The following EXOC6 variants were observed in gnomAD, a reference collection of about 807,000 sequenced individuals.
EXOC6 encodes the protein SEC15-like 1.
In EXOC6, 60 loss-of-function variants were observed where a neutral mutation model predicts 112.5. The observed-to-expected ratio is 0.53, with a 90% CI of 0.43 to 0.66. EXOC6 has a LOEUF of 0.66. EXOC6 is among the 30% of genes least tolerant of loss of function. The pLI is 0.00. For synonymous variants in EXOC6, 295 were observed against 308.0 expected, an observed-to-expected ratio of 0.96 and a Z score of 0.44; for missense variants, 855 against 957.1, an observed-to-expected ratio of 0.89 and a Z score of 1.41.
chr10:93,015,173 G>A (rs1564912029), intron 20 of EXOC6, among the ~76,000 whole-genome samples: 1 of 152,092 alleles, frequency 6.6e-6, no homozygotes, highest in Admixed American at 6.5e-5. Flanking sequence ...GGATAGAGAT[G>A]AGGCTTCATC....
chr10:92,987,568 A>G (rs756757340), intron 18 of EXOC6: 90 of 932,418 alleles, frequency 9.7e-5, no homozygotes, highest in Non-Finnish European at 1.1e-4. Context: ...TGATTAGAAT[A>G]CATTTTCCTT....
chr10:93,025,525 T>C (rs1303961037), intron 20 of EXOC6, among the ~76,000 whole-genome samples: 2 of 152,216 alleles, frequency 1.3e-5, no homozygotes, highest in African/African-American at 2.4e-5. Flanking sequence ...TGTACTATTT[T>C]CTTCTTCCAA....
rs764770376 is a variant in EXOC6, at chr10:92,955,595, A to G, written c.1654A>G (p.Ile552Val). ...TGTTTTCTAGCTGGTACAAATCATCATAAACACAACACACCTGGAGCAAGC... is the reference window on the plus strand; with the variant it reads ...TGTTTTCTAGCTGGTACAAATCATCGTAAACACAACACACCTGGAGCAAGC... ...IGLTELVQIIINTTHLEQACK... is the reference protein window; with the variant it reads ...IGLTELVQIIVNTTHLEQACK... Residue 552 changes from isoleucine (I) to valine (V), a missense_variant, in exon 17 of 22, where the codon ATA becomes GTA. By Grantham distance (29) the Ile-to-Val change is conservative. Around this residue, in one of 2 missense-constraint regions of EXOC6, gnomAD observed 450 missense variants for 563.5 expected, o/e 0.80. Transcript: ENST00000260762. 7 of 1,611,056 alleles carry G rather than the reference A, an allele frequency of 4.3e-6. No homozygotes were observed. The highest frequency in any genetic ancestry group is 5.1e-6 in the Non-Finnish European group (6 of 1,178,496).
In EXOC6 at chr10:93,016,383, C is replaced by T. The variant is rs1017840023; in HGVS notation, c.2169+2116C>T. Among the ~76,000 whole-genome samples the T allele has an allele frequency of 6.6e-5, 10 of 152,014 alleles. No individual in the cohort carries two copies. In the South Asian group the frequency reaches 1.0e-3, roughly 16 times the overall value. On this transcript the variant is annotated intron_variant, in intron 20 of 21. Coordinates refer to ENST00000260762, the MANE Select transcript of EXOC6 (RefSeq NM_019053.6). ...CTCGAACTCCCGGCATCAAGTGATC[C>T]GCCTGCCTTGGCCTCCCAGAGTGCT...
intron 10 of EXOC6, 30 bp from the exon 11 acceptor site, chr10:92,934,280 A>G: frequency 6.5e-7 from 1 of 1,549,250 alleles, no homozygotes; most frequent in South Asian, 1.2e-5. Context: ...TTTTTTTTTT[A>G]ACACATGCTT....
chr10:92,937,129 A>C (rs1852386376), intron 12 of EXOC6, among the ~76,000 whole-genome samples: 1 of 152,218 alleles, frequency 6.6e-6, no homozygotes, highest in African/African-American at 2.4e-5. Flanking sequence ...ATCACAGATA[A>C]TAAAGAATTG....
intron 4 of EXOC6, among the ~76,000 whole-genome samples, chr10:92,898,010 G>C (rs889037876): frequency 1.4e-4 from 22 of 152,126 alleles, no homozygotes; most frequent in Admixed American, 3.9e-4. Flanking sequence ...CATTGACTGA[G>C]ACCTGTCTCA....
At chr10:92,999,910 G>A (rs1007232902) in intron 19 of EXOC6, among the ~76,000 whole-genome samples, 3 of 151,830 alleles carry the variant, frequency 2.0e-5, no homozygotes, top group Admixed American at 1.3e-4. Flanking sequence ...CAACATATTG[G>A]CCAGGCTGGT....
chr10:92,996,866 A>G (rs914825071), intron 18 of EXOC6, among the ~76,000 whole-genome samples: 3 of 152,178 alleles, frequency 2.0e-5, no homozygotes, highest in African/African-American at 4.8e-5. Flanking sequence ...CTAAAGCTAA[A>G]TGCACATCTG....
intron 14 of EXOC6, among the ~76,000 whole-genome samples, chr10:92,951,215 C>T (rs2134006236): frequency 6.6e-6 from 1 of 152,196 alleles, no homozygotes; most frequent in South Asian, 2.1e-4. Context: ...AAGATTTGAT[C>T]TGGAGTTGTA....
At chr10:92,889,655 G>C (rs1403169765) in intron 1 of EXOC6, among the ~76,000 whole-genome samples, 1 of 151,550 alleles carries the variant, frequency 6.6e-6, no homozygotes, top group Middle Eastern at 3.2e-3. Context: ...CCATTGATCT[G>C]TTTGTTTTAC....
intron 20 of EXOC6, among the ~76,000 whole-genome samples, chr10:93,049,448 A>G (rs916500117): frequency 3.3e-5 from 5 of 152,212 alleles, no homozygotes; most frequent in African/African-American, 1.2e-4. Context: ...CATACAATAT[A>G]TTATTATTTG....
upstream of EXOC6, among the ~76,000 whole-genome samples, chr10:92,832,963 C>G (rs946332196): frequency 4.6e-5 from 7 of 152,196 alleles, no homozygotes; most frequent in Non-Finnish European, 1.0e-4. Flanking sequence ...GTGCCAAGAA[C>G]TTTAAGATAG....
intron 9 of EXOC6, 55 bp from the exon 10 acceptor site, chr10:92,934,089 C>A (rs1852217947): frequency 9.1e-7 from 1 of 1,094,456 alleles, no homozygotes; most frequent in South Asian, 1.4e-5. Context: ...TTGGAACTTA[C>A]CTTTATGTTA....
At chr10:92,964,865 C>A (rs1024216219) in intron 17 of EXOC6, among the ~76,000 whole-genome samples, 1 of 152,178 alleles carries the variant, frequency 6.6e-6, no homozygotes, top group Non-Finnish European at 1.5e-5. Flanking sequence ...AGTGGCCCAG[C>A]AGTTCCCAGC....
chr10:92,892,299 A>T (rs1219790041), intron 1 of EXOC6, among the ~76,000 whole-genome samples: 1 of 152,280 alleles, frequency 6.6e-6, no homozygotes, highest in Non-Finnish European at 1.5e-5. Flanking sequence ...GGAGAGTTCC[A>T]CGAGTGAGCT....
At chr10:92,835,296 G>A (rs542409161) in intron 1 of EXOC6, among the ~76,000 whole-genome samples, 1 of 151,928 alleles carries the variant, frequency 6.6e-6, no homozygotes, top group Non-Finnish European at 1.5e-5. Flanking sequence ...TTCCATATAA[G>A]GTTTATTTAT....
chr10:92,947,176 T>C (rs1353890229), intron 13 of EXOC6, among the ~76,000 whole-genome samples: 1 of 152,176 alleles, frequency 6.6e-6, no homozygotes, highest in Non-Finnish European at 1.5e-5. Flanking sequence ...TCCCCAAATA[T>C]CAGTGGATGA....
intron 19 of EXOC6, among the ~76,000 whole-genome samples, chr10:93,002,069 T>A (rs899052912): frequency 5.9e-5 from 9 of 152,192 alleles, no homozygotes; most frequent in African/African-American, 2.2e-4. Context: ...CTGTTAAACC[T>A]TTTTCAGTAG....
Sources: allele counts gnomAD v4.1 joint callset (sites outside exome capture counted in the v4.1 genomes callset), GRCh38; gene constraint gnomAD v4.1.1; regional missense constraint gnomAD v4.1.1; transcripts MANE v1.5; gene names NCBI Gene and HGNC (gene_info 2026-07-23, HGNC 2026-07-21).